Variants in ITGA9 observed in about 807,000 individuals in gnomAD.
ITGA9 encodes the protein integrin alpha-9.
ITGA9 carries 56 observed loss-of-function variants against 127.8 expected under a neutral mutation model. The observed-to-expected ratio is 0.44, with a 90% confidence interval of 0.35 to 0.55. ITGA9 has a LOEUF of 0.55. ITGA9 is among the 20% of genes least tolerant of loss of function. The pLI is 0.00. For missense variants in ITGA9, 1,196 were observed against 1,347.1 expected (o/e 0.89, Z 1.76); for synonymous variants, 508 against 514.5 (o/e 0.99, Z 0.17).
rs376622343 is a variant in ITGA9, at chr3:37,648,710, G to T, written c.1840-5004G>T. On this transcript the variant is annotated intron_variant, in intron 16 of 27. Coordinates refer to ENST00000264741, the MANE Select transcript of ITGA9 (RefSeq NM_002207.3). ...AAACCTGTGCTTCTCAAGTTGAAAT[G>T]AAAGGACACTAAATAGCACAAGAGA... Among the ~76,000 whole-genome samples the T allele has an allele frequency of 2.4e-4, 37 of 152,148 alleles. No homozygotes were observed. In the East Asian group the frequency reaches 6.2e-3, roughly 25 times the overall value.
intron 18 of ITGA9, among the ~76,000 whole-genome samples, chr3:37,719,121 G>A (rs7635609): frequency 6.6e-6 from 1 of 151,990 alleles, no homozygotes; most frequent in Non-Finnish European, 1.5e-5. Context: ...GGGGAGAGAG[G>A]TGTGTGCAAG....
intron 15 of ITGA9, among the ~76,000 whole-genome samples, chr3:37,550,586 A>G (rs1416013072): frequency 6.6e-6 from 1 of 152,258 alleles, no homozygotes. Flanking sequence ...GAGATGCACA[A>G]TAGCACACAG....
At chr3:37,581,429 C>CATGG (rs1699708698) in intron 15 of ITGA9, among the ~76,000 whole-genome samples, 1 of 152,212 alleles carries the variant, frequency 6.6e-6, no homozygotes, top group Non-Finnish European at 1.5e-5. Context: ...CAGGACTGTG[C>CATGG]ATGGGGATGA....
intron 16 of ITGA9, among the ~76,000 whole-genome samples, chr3:37,647,597 A>G (rs1418524440): frequency 1.3e-5 from 2 of 151,934 alleles, no homozygotes; most frequent in African/African-American, 4.8e-5. Flanking sequence ...AAAACTTTGT[A>G]CCTTTGACCA....
chr3:37,670,691 T>C (rs866229861), intron 17 of ITGA9, among the ~76,000 whole-genome samples: 1 of 152,218 alleles, frequency 6.6e-6, no homozygotes, highest in Non-Finnish European at 1.5e-5. Flanking sequence ...CTCCAGATCT[T>C]TTTATTTAAT....
rs533704803 is a variant in ITGA9 at position 37,631,825 on chromosome 3, A to T, written c.1839+2489A>T. Among the ~76,000 whole-genome samples, 46 of 152,246 alleles carry T rather than the reference A, an allele frequency of 3.0e-4. No individual in the cohort carries two copies. In the East Asian group the frequency reaches 8.1e-3, roughly 27 times the overall value. Reference sequence around the variant, plus strand: ...GAAGGGTTAGAGTTGACTTTTCACCATTGTCCCCACCCCTACAGGCTTCAG... The same window carrying T: ...GAAGGGTTAGAGTTGACTTTTCACCTTTGTCCCCACCCCTACAGGCTTCAG... On this transcript the variant is annotated intron_variant, in intron 16 of 27. Transcript: ENST00000264741.
At chr3:37,607,922 G>A (rs953292600) in intron 15 of ITGA9, among the ~76,000 whole-genome samples, 1 of 152,156 alleles carries the variant, frequency 6.6e-6, no homozygotes, top group Non-Finnish European at 1.5e-5. Flanking sequence ...TTTAATTTGG[G>A]GGTAACTCCG....
chr3:37,552,080 G>A (rs980012317), intron 15 of ITGA9, among the ~76,000 whole-genome samples: 17 of 152,214 alleles, frequency 1.1e-4, no homozygotes, highest in African/African-American at 2.4e-4. Context: ...GCTTCCCTTC[G>A]TGCTGTGTGT....
At chr3:37,547,398 C>T (rs1699336294) in intron 15 of ITGA9, among the ~76,000 whole-genome samples, 1 of 152,190 alleles carries the variant, frequency 6.6e-6, no homozygotes, top group African/African-American at 2.4e-5. Context: ...GCCACCAGGT[C>T]TCCTGAGAGA....
intron 15 of ITGA9, among the ~76,000 whole-genome samples, chr3:37,592,425 G>A (rs2125615793): frequency 6.6e-6 from 1 of 152,254 alleles, no homozygotes; most frequent in Admixed American, 6.5e-5. Context: ...GGGGCAGGAG[G>A]AGAAAGAAGC....
At chr3:37,636,768 C>T (rs903844325) in intron 16 of ITGA9, among the ~76,000 whole-genome samples, 1 of 151,966 alleles carries the variant, frequency 6.6e-6, no homozygotes, top group African/African-American at 2.4e-5. Flanking sequence ...GGTTTTAGGT[C>T]TAACATTTAA....
intron 17 of ITGA9, among the ~76,000 whole-genome samples, chr3:37,657,518 TG>T (rs1306547088): frequency 6.6e-6 from 1 of 152,212 alleles, no homozygotes; most frequent in Non-Finnish European, 1.5e-5. Context: ...TTTGTATTTC[TG>T]TAGGATTGGT....
At chr3:37,810,021 G>A (rs548477895) in intron 27 of ITGA9, among the ~76,000 whole-genome samples, 16 of 152,280 alleles carry the variant, frequency 1.1e-4, no homozygotes, top group African/African-American at 3.4e-4. Flanking sequence ...ACTGCTGACC[G>A]GTTGCCCACT....
intron 7 of ITGA9, among the ~76,000 whole-genome samples, chr3:37,508,117 A>G (rs1698864144): frequency 6.6e-6 from 1 of 152,240 alleles, no homozygotes; most frequent in Non-Finnish European, 1.5e-5. Context: ...CTTTGTCTAC[A>G]GTACTCATCT....
intron 5 of ITGA9, among the ~76,000 whole-genome samples, chr3:37,499,242 C>A (rs565607628): frequency 1.5e-4 from 23 of 152,360 alleles, no homozygotes; most frequent in Non-Finnish European, 2.1e-4. Flanking sequence ...CTGGCGTTCA[C>A]GCCTGCTGTA....
chr3:37,503,345 A>G, intron 6 of ITGA9, 38 bp downstream of exon 6: 1 of 1,608,858 alleles, frequency 6.2e-7, no homozygotes. Context: ...GAAAGGGGAA[A>G]TGGGAGTGAT....
At chr3:37,775,833 A>G (rs1398513257) in intron 23 of ITGA9, among the ~76,000 whole-genome samples, 1 of 152,234 alleles carries the variant, frequency 6.6e-6, no homozygotes, top group Non-Finnish European at 1.5e-5. Context: ...CTGGGTATAT[A>G]TATACCCAAA....
At chr3:37,584,434 A>G (rs562123290) in intron 15 of ITGA9, among the ~76,000 whole-genome samples, 1 of 152,264 alleles carries the variant, frequency 6.6e-6, no homozygotes, top group East Asian at 1.9e-4. Context: ...CTTAGAGTCA[A>G]TGACAAAGGG....
chr3:37,670,259 T>C (rs1298030539), intron 17 of ITGA9, among the ~76,000 whole-genome samples: 1 of 152,170 alleles, frequency 6.6e-6, no homozygotes, highest in African/African-American at 2.4e-5. Flanking sequence ...CCACAGTTTC[T>C]AATGTCTTCT....
Sources: allele counts gnomAD v4.1 joint callset (sites outside exome capture counted in the v4.1 genomes callset), GRCh38; gene constraint gnomAD v4.1.1; transcripts MANE v1.5; gene names NCBI Gene and HGNC (gene_info 2026-07-23, HGNC 2026-07-21).